The following NAV2 variants were observed in gnomAD, a reference collection of about 807,000 sequenced individuals.
NAV2 encodes helicase, APC down-regulated 1.
A neutral mutation model predicts 223.2 loss-of-function variants in NAV2; 54 were observed. The ratio of observed to expected loss-of-function variants is 0.24; its 90% CI spans 0.19 to 0.30. The LOEUF is 0.30. NAV2 is among the 10% of genes least tolerant of loss of function. The pLI is 1.00. For synonymous variants in NAV2, 1,279 were observed against 1,239.3 expected, an observed-to-expected ratio of 1.03 and a Z score of -0.67; for missense variants, 2,806 against 3,147.5, an observed-to-expected ratio of 0.89 and a Z score of 2.60.
chr11:19,930,287 G>C (rs1466291195), intron 6 of NAV2, among the ~76,000 whole-genome samples: 1 of 152,128 alleles, frequency 6.6e-6, no homozygotes, highest in African/African-American at 2.4e-5. Context: ...TACTTAGTTG[G>C]TTAATTTCTA....
the NAV2 span, among the ~76,000 whole-genome samples, chr11:19,345,392 G>A: frequency 6.6e-6 from 1 of 152,210 alleles, no homozygotes; most frequent in Non-Finnish European, 1.5e-5. This position sits in a 1 kb window ranked among gnomAD's most constrained non-coding sequence, Gnocchi z 5.2. Flanking sequence ...GAAAGTTTGC[G>A]GTGCAACTGG....
intron 1 of NAV2, among the ~76,000 whole-genome samples, chr11:19,429,701 A>C (rs1158746016): frequency 6.6e-6 from 1 of 152,166 alleles, no homozygotes; most frequent in East Asian, 1.9e-4. Flanking sequence ...TAACATTTTC[A>C]TTTTAGTTCT....
In NAV2 at chr11:19,911,645, C is replaced by T. The variant is rs1399099497; in HGVS notation, c.931+19051C>T. ...TGGTGTTTTATCCTGTCACCTCACT[C>T]TAAGAATTCTTCATCAGTTCCAAAT... On this transcript the variant is annotated intron_variant, in intron 6 of 37. Transcript: ENST00000349880. 2.0e-5 allele frequency among the ~76,000 whole-genome samples: 3 copies of T among 152,056 alleles called. No homozygotes were observed. In the East Asian group the frequency reaches 5.8e-4, roughly 29 times the overall value.
chr11:19,559,433 A>G (rs1413061927), intron 1 of NAV2, among the ~76,000 whole-genome samples: 1 of 152,176 alleles, frequency 6.6e-6, no homozygotes, highest in African/African-American at 2.4e-5. Flanking sequence ...ACAACCACCA[A>G]ATAGAATTAT....
intron 6 of NAV2, among the ~76,000 whole-genome samples, chr11:19,898,735 G>T (rs1289433997): frequency 6.6e-6 from 1 of 151,966 alleles, no homozygotes; most frequent in Non-Finnish European, 1.5e-5. Flanking sequence ...TCCAAATTTT[G>T]CTCCCAAAAG....
At position 19,397,396 on chromosome 11, in the gene NAV2, A is replaced by AGTGTGTGTGTGTGTGTGT. The variant is rs1554919830; in HGVS notation, c.75+46375_75+46392dup. Among the ~76,000 whole-genome samples, 276 of 143,910 alleles carry AGTGTGTGTGTGTGTGTGT rather than the reference A, an allele frequency of 1.9e-3. 1 individual carries two copies. The Middle Eastern group carries it at 0.021, about 11-fold the overall frequency. 94.4% of individuals were successfully genotyped at this position (143,910 alleles called of 152,430 possible). A position where few individuals can be genotyped will look rare whatever the true frequency, so the allele number is the denominator to read the frequency against. On this transcript the variant is annotated intron_variant, in intron 1 of 37. Transcript: ENST00000360655. ...GTGTAGAGAATTGGATTCTCTGGGGAGTGTGTGTGTGTGTGTGTGTGTGCG... is the reference window on the plus strand; with the variant it reads ...GTGTAGAGAATTGGATTCTCTGGGGAGTGTGTGTGTGTGTGTGTGTGTGTGTGTGTGTGTGTGTGTGCG...
At chr11:19,897,154 G>A (rs1178049207) in intron 6 of NAV2, among the ~76,000 whole-genome samples, 3 of 152,020 alleles carry the variant, frequency 2.0e-5, no homozygotes, top group East Asian at 1.9e-4. Context: ...AACACCGCAT[G>A]TTCTCACTCA....
At chr11:19,625,621 A>G (rs2047146919) in intron 1 of NAV2, among the ~76,000 whole-genome samples, 1 of 152,160 alleles carries the variant, frequency 6.6e-6, no homozygotes, top group Admixed American at 6.5e-5. Flanking sequence ...TTTTTGAGGA[A>G]CTTCCATACT....
chr11:19,683,391 C>T (rs2048930068), intron 1 of NAV2, among the ~76,000 whole-genome samples: 1 of 152,222 alleles, frequency 6.6e-6, no homozygotes, highest in African/African-American at 2.4e-5. Flanking sequence ...GTTGGGTCAC[C>T]TTCTTTTTTA....
intron 1 of NAV2, among the ~76,000 whole-genome samples, chr11:19,423,525 A>G (rs919027793): frequency 1.3e-5 from 2 of 152,222 alleles, no homozygotes; most frequent in Non-Finnish European, 2.9e-5. Context: ...TGCTGGACTG[A>G]AACTTAGCAT....
At chr11:19,638,850 AG>A (rs1370412125) in intron 1 of NAV2, among the ~76,000 whole-genome samples, 1 of 152,150 alleles carries the variant, frequency 6.6e-6, no homozygotes, top group Non-Finnish European at 1.5e-5. Context: ...AAAGTTAGCC[AG>A]GCGTGGTGGC....
At chr11:19,762,306 C>T (rs2054821900) in intron 1 of NAV2, among the ~76,000 whole-genome samples, 3 of 152,124 alleles carry the variant, frequency 2.0e-5, no homozygotes. Context: ...ACACACATGC[C>T]GAATACTTCT....
intron 6 of NAV2, among the ~76,000 whole-genome samples, chr11:19,918,585 G>A (rs1210441629): frequency 6.6e-6 from 1 of 152,212 alleles, no homozygotes; most frequent in African/African-American, 2.4e-5. Context: ...TTATGCTTGG[G>A]TGGAATAGAT....
chr11:19,635,425 TAGTC>T (rs1037869988), intron 1 of NAV2, among the ~76,000 whole-genome samples: 64 of 152,318 alleles, frequency 4.2e-4, no homozygotes, highest in African/African-American at 1.4e-3. Flanking sequence ...TAGGCTGTCT[TAGTC>T]AGTCTAGTGT....
intron 10 of NAV2, among the ~76,000 whole-genome samples, chr11:19,969,590 T>C (rs901867448): frequency 2.6e-5 from 4 of 152,182 alleles, no homozygotes; most frequent in African/African-American, 9.7e-5. Flanking sequence ...ATGGGGTTTT[T>C]TTCCTATGCA....
chr11:20,104,866 C>T (rs1189632401), intron 34 of NAV2: 2 of 152,210 alleles, frequency 1.3e-5, no homozygotes, highest in African/African-American at 2.4e-5. Flanking sequence ...CTACACTAAA[C>T]CTCTGGTAGT....
chr11:19,441,058 A>G (rs1404611965), intron 1 of NAV2, among the ~76,000 whole-genome samples: 1 of 152,240 alleles, frequency 6.6e-6, no homozygotes. Flanking sequence ...GGATGATGGA[A>G]GGGCACATAA....
intron 22 of NAV2, among the ~76,000 whole-genome samples, chr11:20,070,767 G>A (rs941889444): frequency 6.6e-6 from 1 of 152,078 alleles, no homozygotes; most frequent in Non-Finnish European, 1.5e-5. Context: ...AGGCTGTTGT[G>A]TGTGGCTCTG....
intron 1 of NAV2, among the ~76,000 whole-genome samples, chr11:19,415,729 C>T (rs139882763): frequency 0.027 from 4,129 of 152,256 alleles, 198 homozygotes; most frequent in African/African-American, 0.093. Context: ...AGCAGCACAT[C>T]GAAAAGCTAA....
Sources: gnomAD v4.1 joint callset for allele counts (sites outside exome capture counted in the v4.1 genomes callset) on GRCh38, gnomAD v4.1.1 for gene constraint, Gnocchi (gnomAD v3.1) non-coding constraint, MANE v1.5 for transcripts, NCBI Gene and HGNC (gene_info 2026-07-23, HGNC 2026-07-21) for gene names.